Variants in SLC5A3 observed in about 807,000 individuals in gnomAD.
SLC5A3 encodes solute carrier family 5 member 3.
Under a neutral mutation model 43.2 loss-of-function variants are expected in SLC5A3, and 10 were observed. The ratio of observed to expected loss-of-function variants is 0.23; its 90% CI spans 0.14 to 0.39. SLC5A3 has a LOEUF of 0.39. Among genes scored for constraint, SLC5A3 ranks in the 10% least tolerant of loss-of-function variants. The probability of loss-of-function intolerance (pLI) is 1.00; values close to 1 mark genes in which losing one functional copy is unlikely to be tolerated. For missense variants in SLC5A3, 608 were observed against 893.4 expected, an observed-to-expected ratio of 0.68 and a Z score of 4.07; for synonymous variants, 349 against 322.0, an observed-to-expected ratio of 1.08 and a Z score of -0.90.
chr21:34,087,357 C>T (rs554436666), intron 1 of SLC5A3, among the ~76,000 whole-genome samples: 12 of 152,178 alleles, frequency 7.9e-5, no homozygotes, highest in East Asian at 1.9e-4. Context: ...GTCTTGATGG[C>T]GAAGAACTTA....
At chr21:34,081,080 A>T (rs1354180785) in intron 1 of SLC5A3, among the ~76,000 whole-genome samples, 2 of 152,240 alleles carry the variant, frequency 1.3e-5, no homozygotes, top group Non-Finnish European at 2.9e-5. Context: ...AGTCATTAAA[A>T]TAATGACTGT....
rs35707420 is a variant in SLC5A3, at chr21:34,096,306, G to A, written c.1108G>A (p.Val370Met). ...GGGCCTTCGGGGTTTAATGATGGCA[G>A]TGATGATTGCAGCTCTGATGAGTGA... ...PVGLRGLMMA[V>M]MIAALMSDLD... Residue 370 changes from valine to methionine, a missense_variant, in exon 2 of 2, where the codon GTG becomes ATG. Physicochemically the swap from Val to Met is conservative, Grantham distance 21 (BLOSUM62 1). Coordinates refer to ENST00000381151, the MANE Select transcript of SLC5A3 (RefSeq NM_006933.7). This position sits in a 1 kb window ranked among gnomAD's most constrained non-coding sequence, Gnocchi z 5.9. 6.9e-3 allele frequency: 11,062 copies of A among 1,614,110 alleles called. 40 individuals are homozygous for A. The highest frequency in any genetic ancestry group is 8.9e-3 in the Middle Eastern group (54 of 6,062).
Position 34,101,599 on chromosome 21 carries a change from C to T in SLC5A3, c.*4244C>T, listed in dbSNP as rs754715906. On this transcript the variant is annotated 3_prime_UTR_variant, in exon 2 of 2. Transcript: ENST00000381151. ...TTCACATTGCTGTGTCAGTTCTACA[C>T]CTAGTCTTTTCAGCACTTAGCAAAT... 73 of 1,000,030 alleles carry T rather than the reference C, an allele frequency of 7.3e-5. No individual in the cohort carries two copies. The highest frequency in any genetic ancestry group is 8.7e-5 in the Non-Finnish European group (72 of 829,912). 61.9% of individuals were successfully genotyped at this position (1,000,030 alleles called of 1,614,324 possible).
At chr21:34,082,789 C>T (rs1044761393) in intron 1 of SLC5A3, among the ~76,000 whole-genome samples, 4 of 151,984 alleles carry the variant, frequency 2.6e-5, no homozygotes, top group African/African-American at 9.7e-5. Flanking sequence ...GCAAATAAAA[C>T]GAACTCAGAT....
In SLC5A3 at chr21:34,104,589, A is replaced by G; in HGVS notation, c.*7234A>G. The G allele has an allele frequency of 1.0e-6, 1 of 1,000,058 alleles. No homozygotes were observed. Among genetic ancestry groups the G allele is most frequent in the Non-Finnish European group, 1.2e-6 (1 of 829,810 alleles). The allele number at this position is 1,000,058 out of a possible 1,614,324, so 61.9% of individuals were successfully genotyped here. ...GGTGTAGACTAATATGAGATGTTTT[A>G]GAAGAGTTAACCTGAACACTTTGAG... On this transcript the variant is annotated 3_prime_UTR_variant, in exon 2 of 2. Transcript: ENST00000381151.
In SLC5A3 at chr21:34,103,111, G is replaced by A. The variant is rs1204893880; in HGVS notation, c.*5756G>A. The A allele has an allele frequency of 1.0e-6, 1 of 999,860 alleles. No homozygotes were observed. The highest frequency in any genetic ancestry group is 1.7e-5 in the African/African-American group (1 of 57,200). 61.9% of individuals were successfully genotyped at this position (999,860 alleles called of 1,614,324 possible). A position where few individuals can be genotyped will look rare whatever the true frequency, so the allele number is the denominator to read the frequency against. On this transcript the variant is annotated 3_prime_UTR_variant, in exon 2 of 2. Transcript: ENST00000381151. ...TGTTATAATTGGAAACAGAAACGAGGCTTATTGCTATTGCAGAAATCCCAA... is the reference window on the plus strand; with the variant it reads ...TGTTATAATTGGAAACAGAAACGAGACTTATTGCTATTGCAGAAATCCCAA...
intron 1 of SLC5A3, among the ~76,000 whole-genome samples, chr21:34,084,233 C>A (rs537029473): frequency 2.0e-5 from 3 of 151,904 alleles, no homozygotes; most frequent in Non-Finnish European, 1.5e-5. Context: ...TCTGAATCTT[C>A]TATTTATAAC....
Position 34,100,928 on chromosome 21 carries a change from T to C in SLC5A3, c.*3573T>C. The C allele has an allele frequency of 1.0e-6, 1 of 1,000,192 alleles. No homozygotes were observed. Among genetic ancestry groups the C allele is most frequent in the Non-Finnish European group, 1.2e-6 (1 of 829,950 alleles). 62.0% of individuals were successfully genotyped at this position (1,000,192 alleles called of 1,614,324 possible). The stretch of plus-strand genomic sequence containing the variant: ...GGTCTTCCCTGTTCCTGCTTGGCAG[T>C]GTTAAAGCTTACAGGGTTAACTTAT... On this transcript the variant is annotated 3_prime_UTR_variant, in exon 2 of 2. Coordinates refer to ENST00000381151, the MANE Select transcript of SLC5A3 (RefSeq NM_006933.7).
In SLC5A3 at chr21:34,073,718, G is replaced by C; in HGVS notation, c.-364G>C. Reference sequence around the variant, plus strand: ...CTCCAGGCATGCCCCGCTACGAGCTGGCTTTAATCCTGAAAGCCATGCAGC... The same window carrying C: ...CTCCAGGCATGCCCCGCTACGAGCTCGCTTTAATCCTGAAAGCCATGCAGC... On this transcript the variant is annotated 5_prime_UTR_variant, in exon 1 of 2. Transcript: ENST00000381151. 6.5e-7 allele frequency: 1 copy of C among 1,529,774 alleles called. No homozygotes were observed. The highest frequency in any genetic ancestry group is 8.8e-7 in the Non-Finnish European group (1 of 1,132,468). 94.8% of individuals were successfully genotyped at this position (1,529,774 alleles called of 1,614,324 possible). A position where few individuals can be genotyped will look rare whatever the true frequency, so the allele number is the denominator to read the frequency against.
rs1366202465 is a variant in SLC5A3 at position 34,095,671 on chromosome 21, T to A, written c.473T>A (p.Leu158His). 6.2e-7 allele frequency: 1 copy of A among 1,613,832 alleles called. No homozygotes were observed. The highest frequency in any genetic ancestry group is 1.3e-5 in the African/African-American group (1 of 74,842). ...LFIQESLGWN[L>H]YVSVILLIGM... ...ATCCAGGAGTCTTTGGGTTGGAATC[T>A]TTATGTGTCTGTCATCCTGCTCATT... The change falls in exon 2 of 2, where the codon CTT becomes CAT. Residue 158 changes from leucine (L) to histidine (H), a missense_variant. Leu to His is a moderately conservative substitution (Grantham distance 99). Around this residue, in one of 2 missense-constraint regions of SLC5A3, gnomAD observed 398 missense variants for 668.6 expected, o/e 0.60. Transcript: ENST00000381151.
Position 34,098,877 on chromosome 21 carries a change from A to G in SLC5A3, c.*1522A>G. Reference sequence around the variant, plus strand: ...GATGAAGGAAGCAAATTATGTATGTACTTTCTTTGACCTTCTTTAATCTCT... The same window carrying G: ...GATGAAGGAAGCAAATTATGTATGTGCTTTCTTTGACCTTCTTTAATCTCT... On this transcript the variant is annotated 3_prime_UTR_variant, in exon 2 of 2. Coordinates refer to ENST00000381151, the MANE Select transcript of SLC5A3 (RefSeq NM_006933.7). 4.0e-6 allele frequency: 4 copies of G among 999,530 alleles called. No homozygotes were observed. The highest frequency in any genetic ancestry group is 4.8e-6 in the Non-Finnish European group (4 of 829,328). The allele number at this position is 999,530 out of a possible 1,614,324, so 61.9% of individuals were successfully genotyped here. A position where few individuals can be genotyped will look rare whatever the true frequency, so the allele number is the denominator to read the frequency against.
chr21:34,081,205 A>G (rs1989451423), intron 1 of SLC5A3, among the ~76,000 whole-genome samples: 1 of 152,086 alleles, frequency 6.6e-6, no homozygotes, highest in Non-Finnish European at 1.5e-5. Flanking sequence ...ATGAAGCTGA[A>G]ACTGGAAATT....
At position 34,102,294 on chromosome 21, in the gene SLC5A3, C is replaced by A; in HGVS notation, c.*4939C>A. ...AGTCATATAAATGTTTTTATTTAAACTTCTCTCTCTTCAATGCTGAGAATA... is the reference window on the plus strand; with the variant it reads ...AGTCATATAAATGTTTTTATTTAAAATTCTCTCTCTTCAATGCTGAGAATA... On this transcript the variant is annotated 3_prime_UTR_variant, in exon 2 of 2. Coordinates refer to ENST00000381151, the MANE Select transcript of SLC5A3 (RefSeq NM_006933.7). 1 of 999,082 alleles carries A rather than the reference C, an allele frequency of 1.0e-6. No homozygotes were observed. Among genetic ancestry groups the A allele is most frequent in the South Asian group, 4.7e-5 (1 of 21,264 alleles). The allele number at this position is 999,082 out of a possible 1,614,324, so 61.9% of individuals were successfully genotyped here.
At position 34,096,977 on chromosome 21, in the gene SLC5A3, C is replaced by T. The variant is rs1309391287; in HGVS notation, c.1779C>T (p.Asp593=). The change falls in exon 2 of 2, where the codon GAC becomes GAT. Residue 593 remains aspartate, a synonymous_variant. Coordinates refer to ENST00000381151, the MANE Select transcript of SLC5A3 (RefSeq NM_006933.7). This position sits in a 1 kb window ranked among gnomAD's most constrained non-coding sequence, Gnocchi z 5.9. ...TCATTCCCAACGGGAAATCTGAAGA[C>T]AGCATTAAGGGCCTTCAGCCTGAAG... ...NHIIPNGKSE[D]SIKGLQPEDV... 2 of 1,614,070 alleles carry T rather than the reference C, an allele frequency of 1.2e-6. No individual in the cohort carries two copies. The highest frequency in any genetic ancestry group is 1.1e-5 in the South Asian group (1 of 91,080).
At position 34,079,516 on chromosome 21, in the gene SLC5A3, A is replaced by G. The variant is rs111778333; in HGVS notation, c.-337+5771A>G. 4.6e-3 allele frequency among the ~76,000 whole-genome samples: 684 copies of G among 148,780 alleles called. 5 individuals carry two copies. The highest frequency in any genetic ancestry group is 0.016 in the African/African-American group (638 of 39,844). The stretch of plus-strand genomic sequence containing the variant: ...AGTGGCACGATCTCGGCTCACTGCA[A>G]CCTCTGCCTCCTGGGTTCAAGCGAT... On this transcript the variant is annotated intron_variant, in intron 1 of 1. Transcript: ENST00000381151.
At chr21:34,075,327 G>A (rs1366979665) in intron 1 of SLC5A3, among the ~76,000 whole-genome samples, 1 of 152,126 alleles carries the variant, frequency 6.6e-6, no homozygotes, top group African/African-American at 2.4e-5. Flanking sequence ...ATGAAGACTT[G>A]CCCTCCCCTT....
rs1979449750 is a variant in SLC5A3 at position 34,105,766 on chromosome 21, C to G, written c.*8411C>G. 1.0e-5 allele frequency: 10 copies of G among 995,700 alleles called. No homozygotes were observed. Among genetic ancestry groups the G allele is most frequent in the Non-Finnish European group, 1.2e-5 (10 of 826,050 alleles). The allele number at this position is 995,700 out of a possible 1,614,324, so 61.7% of individuals were successfully genotyped here. On this transcript the variant is annotated 3_prime_UTR_variant, in exon 2 of 2. Transcript: ENST00000381151. ...CAGCTTTTTTAATTTTAAGGTTTGA[C>G]TAATTGTATCCATCTCATTGTACAG...
chr21:34,104,408 A>G lies in SLC5A3; in HGVS notation c.*7053A>G, dbSNP rs1246437391. 16 of 1,000,192 alleles carry G rather than the reference A, an allele frequency of 1.6e-5. No individual in the cohort carries two copies. The highest frequency in any genetic ancestry group is 1.7e-5 in the Non-Finnish European group (14 of 829,970). 62.0% of individuals were successfully genotyped at this position (1,000,192 alleles called of 1,614,324 possible). On this transcript the variant is annotated 3_prime_UTR_variant, in exon 2 of 2. Transcript: ENST00000381151. ...CGAGTAGCTTGTTTATCAAGAATGA[A>G]TGAATGTCTTTGTCTTAAATTTTGC...
At position 34,073,666 on chromosome 21, in the gene SLC5A3, C is replaced by A; in HGVS notation, c.-416C>A. On this transcript the variant is annotated 5_prime_UTR_variant, in exon 1 of 2. It adds an upstream start codon to the 5' untranslated region. Coordinates refer to ENST00000381151, the MANE Select transcript of SLC5A3 (RefSeq NM_006933.7). ...CGCCCCTTCGCGTCCCGGGAACCGGCTGGCTTCCGAGCCGCACTCGCCGAT... is the reference window on the plus strand; with the variant it reads ...CGCCCCTTCGCGTCCCGGGAACCGGATGGCTTCCGAGCCGCACTCGCCGAT... 6.6e-7 allele frequency: 1 copy of A among 1,512,010 alleles called. No homozygotes were observed. The highest frequency in any genetic ancestry group is 2.7e-5 in the East Asian group (1 of 36,758). The allele number at this position is 1,512,010 out of a possible 1,614,324, so 93.7% of individuals were successfully genotyped here.
Sources: gnomAD v4.1 joint callset for allele counts (sites outside exome capture counted in the v4.1 genomes callset) on GRCh38, gnomAD v4.1.1 for gene constraint, gnomAD v4.1.1 regional missense constraint, Gnocchi (gnomAD v3.1) non-coding constraint, MANE v1.5 for transcripts, NCBI Gene and HGNC (gene_info 2026-07-23, HGNC 2026-07-21) for gene names.